FSHR: variants seen among roughly 807,000 people sequenced by gnomAD.
The protein encoded by FSHR is follicle stimulating hormone receptor.
In FSHR, 46 loss-of-function variants were observed where a neutral mutation model predicts 52.1. The observed-to-expected ratio is 0.88, with a 90% CI of 0.70 to 1.13. The LOEUF (loss-of-function observed/expected upper bound fraction) is 1.13, where lower values mean the gene tolerates loss of function less well. FSHR is among the 50% of genes most tolerant of loss of function. The pLI is 0.00. For missense variants in FSHR, 964 were observed against 834.6 expected, an observed-to-expected ratio of 1.16 and a Z score of -1.91; for synonymous variants, 399 against 309.6, an observed-to-expected ratio of 1.29 and a Z score of -3.03.
intron 8 of FSHR, among the ~76,000 whole-genome samples, chr2:48,970,722 A>G (rs1674705967): frequency 6.6e-6 from 1 of 152,124 alleles, no homozygotes; most frequent in Non-Finnish European, 1.5e-5. Flanking sequence ...TTTGAACTCC[A>G]CCATTTTGAT....
intron 2 of FSHR, among the ~76,000 whole-genome samples, chr2:49,027,993 G>A (rs1050174027): frequency 1.3e-5 from 2 of 152,148 alleles, no homozygotes; most frequent in Non-Finnish European, 2.9e-5. Flanking sequence ...GAAAGACAAG[G>A]AGTTTGGTAG....
At chr2:49,078,543 CA>C (rs1211841720) in intron 1 of FSHR, among the ~76,000 whole-genome samples, 1 of 152,082 alleles carries the variant, frequency 6.6e-6, no homozygotes, top group Non-Finnish European at 1.5e-5. Flanking sequence ...ACATTATTAT[CA>C]GCTTGAATGT....
intron 4 of FSHR, among the ~76,000 whole-genome samples, chr2:49,008,871 GTTGT>G (rs1667165902): frequency 6.6e-6 from 1 of 150,834 alleles, no homozygotes; most frequent in South Asian, 2.1e-4. Flanking sequence ...TTTTGATGGG[GTTGT>G]TTGTTTTTTT....
chr2:49,104,508 T>A (rs1671155239), intron 1 of FSHR, among the ~76,000 whole-genome samples: 2 of 152,184 alleles, frequency 1.3e-5, no homozygotes, highest in Admixed American at 6.5e-5. Flanking sequence ...AAGAAAAGCT[T>A]AAGAAAATGT....
intron 2 of FSHR, among the ~76,000 whole-genome samples, chr2:49,043,663 A>C (rs1266367663): frequency 1.3e-5 from 2 of 152,310 alleles, no homozygotes; most frequent in African/African-American, 2.4e-5. Context: ...GCATAAAAAA[A>C]CCAAATGTTC....
chr2:49,117,060 C>T (rs1671626515), intron 1 of FSHR, among the ~76,000 whole-genome samples: 1 of 152,150 alleles, frequency 6.6e-6, no homozygotes, highest in Admixed American at 6.5e-5. Context: ...TTTGTGAGCC[C>T]AGTTAGTGTT....
intron 1 of FSHR, among the ~76,000 whole-genome samples, chr2:49,076,974 C>G (rs1230549575): frequency 6.6e-6 from 1 of 152,022 alleles, no homozygotes; most frequent in Non-Finnish European, 1.5e-5. Flanking sequence ...GTACAGCCTC[C>G]CTCCCATGTG....
intron 4 of FSHR, among the ~76,000 whole-genome samples, chr2:49,005,535 G>A (rs566202762): frequency 6.6e-5 from 10 of 152,176 alleles, no homozygotes; most frequent in Non-Finnish European, 1.2e-4. Flanking sequence ...CTGGATTCTC[G>A]ATGAGTGATA....
chr2:49,069,839 T>A (rs983756833), intron 1 of FSHR, among the ~76,000 whole-genome samples: 1 of 152,172 alleles, frequency 6.6e-6, no homozygotes, highest in African/African-American at 2.4e-5. Flanking sequence ...ACACGTCCTT[T>A]TACAAGGCAG....
chr2:49,066,401 T>C (rs1271186221), intron 2 of FSHR, among the ~76,000 whole-genome samples: 1 of 152,038 alleles, frequency 6.6e-6, no homozygotes, highest in African/African-American at 2.4e-5. Flanking sequence ...TGAGAATTTC[T>C]TGGTGACCAA....
chr2:49,116,008 CAT>C (rs1470668935), intron 1 of FSHR, among the ~76,000 whole-genome samples: 1 of 152,106 alleles, frequency 6.6e-6, no homozygotes, highest in African/African-American at 2.4e-5. Context: ...CAGAATGAAA[CAT>C]GTCATCAGGG....
At chr2:49,028,978 C>T (rs1020179886) in intron 2 of FSHR, among the ~76,000 whole-genome samples, 1 of 152,188 alleles carries the variant, frequency 6.6e-6, no homozygotes, top group Non-Finnish European at 1.5e-5. Flanking sequence ...TGGGTGGTTG[C>T]TAGCACTTGT....
chr2:48,997,794 C>T (rs942335436), intron 4 of FSHR, among the ~76,000 whole-genome samples: 2 of 152,136 alleles, frequency 1.3e-5, no homozygotes, highest in African/African-American at 4.8e-5. Context: ...CTCTTGGGTG[C>T]TCAAATGCTG....
intron 2 of FSHR, among the ~76,000 whole-genome samples, chr2:49,028,634 G>T (rs1444503319): frequency 6.6e-6 from 1 of 152,162 alleles, no homozygotes; most frequent in Non-Finnish European, 1.5e-5. Flanking sequence ...CAATCTTACT[G>T]TTAGTTGTAG....
intron 1 of FSHR, among the ~76,000 whole-genome samples, chr2:49,151,489 C>A (rs939031069): frequency 1.3e-5 from 2 of 151,986 alleles, no homozygotes; most frequent in Non-Finnish European, 2.9e-5. Context: ...ATGTGCAGAT[C>A]ATAGGAAATT....
intron 1 of FSHR, among the ~76,000 whole-genome samples, chr2:49,139,567 C>A (rs983541018): frequency 6.6e-6 from 1 of 151,072 alleles, no homozygotes; most frequent in Non-Finnish European, 1.5e-5. Flanking sequence ...AAGTGCCAGC[C>A]TTTAAAGGTA....
chr2:48,971,771 T>A (rs1674751926), intron 8 of FSHR, among the ~76,000 whole-genome samples: 1 of 152,230 alleles, frequency 6.6e-6, no homozygotes, highest in Admixed American at 6.5e-5. Flanking sequence ...TTTGATGACT[T>A]TTTAAGGCTC....
chr2:49,144,971 T>G (rs1395077062), intron 1 of FSHR, among the ~76,000 whole-genome samples: 1 of 152,158 alleles, frequency 6.6e-6, no homozygotes, highest in Non-Finnish European at 1.5e-5. Context: ...GCAAAATGTC[T>G]TAAGGTCTGT....
intron 1 of FSHR, among the ~76,000 whole-genome samples, chr2:49,153,896 C>G (rs1022213402): frequency 6.6e-6 from 1 of 152,154 alleles, no homozygotes; most frequent in African/African-American, 2.4e-5. Context: ...TCAAAGCTGC[C>G]TTTCTGCCTC....
Sources: gnomAD v4.1 joint callset for allele counts (sites outside exome capture counted in the v4.1 genomes callset) on GRCh38, gnomAD v4.1.1 for gene constraint, MANE v1.5 for transcripts, NCBI Gene and HGNC (gene_info 2026-07-23, HGNC 2026-07-21) for gene names.